The following COA8 variants were observed in gnomAD, a reference collection of about 807,000 sequenced individuals.
COA8 encodes the protein cytochrome c oxidase assembly factor 8.
COA8 carries 20 observed loss-of-function variants against 22.0 expected under a neutral mutation model. The observed-to-expected ratio is 0.91, with a 90% confidence interval of 0.64 to 1.32. COA8 has a LOEUF of 1.32. COA8 is among the 40% of genes most tolerant of loss of function. The pLI is 0.00. For missense variants in COA8, 266 were observed against 230.0 expected (o/e 1.16, Z -1.01); for synonymous variants, 105 against 79.9 (o/e 1.31, Z -1.68).
intron 3 of COA8, among the ~76,000 whole-genome samples, chr14:103,583,744 G>C (rs937079696): frequency 3.9e-5 from 6 of 152,156 alleles, no homozygotes; most frequent in African/African-American, 1.2e-4. Context: ...CCTCCACTGA[G>C]GCAGTCTTTC....
chr14:103,571,845 C>T (rs750287262), intron 2 of COA8, 25 bp downstream of exon 2: 7 of 1,599,896 alleles, frequency 4.4e-6, no homozygotes, highest in African/African-American at 4.0e-5. Context: ...TAGATCAGAA[C>T]GGAAGGGTGC....
chr14:103,580,747 C>T (rs893715752), intron 3 of COA8, among the ~76,000 whole-genome samples: 2 of 151,742 alleles, frequency 1.3e-5, no homozygotes, highest in Non-Finnish European at 2.9e-5. Context: ...CCCACCTCAG[C>T]CTCCCAAAGT....
At chr14:103,585,593 T>C (rs1366270801) in intron 3 of COA8, among the ~76,000 whole-genome samples, 3 of 149,354 alleles carry the variant, frequency 2.0e-5, no homozygotes, top group Middle Eastern at 3.5e-3. Flanking sequence ...TTTTTTTTTT[T>C]TGAAACAGAG....
At chr14:103,587,849 T>A (rs1327121982) in intron 4 of COA8, among the ~76,000 whole-genome samples, 2 of 151,906 alleles carry the variant, frequency 1.3e-5, no homozygotes, top group Non-Finnish European at 2.9e-5. Flanking sequence ...CTTAAAAAGA[T>A]ACCAATTTTT....
chr14:103,570,272 G>C (rs566360830), intron 1 of COA8, among the ~76,000 whole-genome samples: 17 of 152,302 alleles, frequency 1.1e-4, no homozygotes, highest in African/African-American at 4.1e-4. Context: ...TTCTAAAAAG[G>C]ATTCCTAAAT....
At chr14:103,575,963 A>G (rs1403941508) in intron 3 of COA8, among the ~76,000 whole-genome samples, 3 of 151,856 alleles carry the variant, frequency 2.0e-5, no homozygotes, top group Admixed American at 1.3e-4. Flanking sequence ...TCATCCTCCC[A>G]AAGTGCTGGG....
chr14:103,574,282 C>A, intron 3 of COA8, 112 bp downstream of exon 3: 3 of 1,458,868 alleles, frequency 2.1e-6, no homozygotes, highest in Non-Finnish European at 2.9e-6. Context: ...CGGTCCTTGG[C>A]CTGCTTTGGG....
rs1340253051 is a variant in COA8, at chr14:103,587,346, A to C, written c.458A>C (p.Lys153Thr). 6.2e-7 allele frequency: 1 copy of C among 1,612,986 alleles called. No homozygotes were observed. Among genetic ancestry groups the C allele is most frequent in the Non-Finnish European group, 8.5e-7 (1 of 1,179,274 alleles). The change falls in exon 4 of 5, where the codon AAG (lysine) becomes ACG (threonine). Residue 153 changes from lysine (K) to threonine (T), a missense_variant. Lys to Thr is a moderately conservative substitution (Grantham distance 78). Transcript: ENST00000409074. Reference protein sequence around the residue: ...YKEFLSKNFQKHMYYNRDWYK... With the variant: ...YKEFLSKNFQTHMYYNRDWYK... ...GAATTTTTAAGTAAAAATTTTCAGA[A>C]GCACATGTATTATAACAGGTAGGTG... is the stretch of plus-strand genomic sequence containing the variant.
At chr14:103,564,238 A>G (rs1444255936) in intron 1 of COA8, among the ~76,000 whole-genome samples, 4 of 152,136 alleles carry the variant, frequency 2.6e-5, no homozygotes, top group African/African-American at 2.4e-5. Flanking sequence ...GTACACTTTC[A>G]TAATTGTAGC....
intron 3 of COA8, among the ~76,000 whole-genome samples, chr14:103,579,045 G>A (rs939859695): frequency 5.3e-5 from 8 of 152,172 alleles, no homozygotes; most frequent in Non-Finnish European, 8.8e-5. Context: ...ATGAGGTCTC[G>A]CTATGTTGAC....
Position 103,571,770 on chromosome 14 carries a change from CA to C in COA8, c.273del (p.Glu92AsnfsTer12), listed in dbSNP as rs754056282. On this transcript the variant is annotated frameshift_variant, in exon 2 of 5. Coordinates refer to ENST00000409074, the MANE Select transcript of COA8 (RefSeq NM_001370595.2). LOFTEE classifies it high-confidence loss of function. The part of the protein sequence containing the change: ...QKLRKLRQET[Q>X]EWNQQFWANQ... The stretch of plus-strand genomic sequence containing the variant: ...GCTTAGAAAATTAAGACAAGAAACA[CA>C]AGAATGGAATCAACAGTTCTGGGCA... 3 of 1,613,984 alleles carry C rather than the reference CA, an allele frequency of 1.9e-6. No homozygotes were observed. Among genetic ancestry groups the C allele is most frequent in the Non-Finnish European group, 2.5e-6 (3 of 1,180,034 alleles).
intron 4 of COA8, chr14:103,588,080 C>T (rs560574459): frequency 3.4e-5 from 8 of 236,134 alleles, no homozygotes; most frequent in Non-Finnish European, 5.4e-5. Flanking sequence ...CGTGCCATTG[C>T]ACTCCAGTCT....
At chr14:103,589,408 T>C (rs1412211310) in intron 4 of COA8, among the ~76,000 whole-genome samples, 2 of 152,118 alleles carry the variant, frequency 1.3e-5, no homozygotes, top group Non-Finnish European at 2.9e-5. Flanking sequence ...AGAGTGGTCG[T>C]GGCCCATCAC....
intron 1 of COA8, among the ~76,000 whole-genome samples, chr14:103,564,344 T>C (rs955436263): frequency 6.6e-6 from 1 of 152,144 alleles, no homozygotes; most frequent in Non-Finnish European, 1.5e-5. Context: ...TGTGTTACAG[T>C]GACCAAGTCC....
At chr14:103,576,483 T>C (rs140323732) in intron 3 of COA8, among the ~76,000 whole-genome samples, 3 of 152,258 alleles carry the variant, frequency 2.0e-5, no homozygotes, top group African/African-American at 4.8e-5. Context: ...AAAACGTCTG[T>C]GTTAAGACTC....
intron 3 of COA8, among the ~76,000 whole-genome samples, chr14:103,584,412 A>G (rs1323893709): frequency 2.0e-5 from 3 of 152,130 alleles, no homozygotes; most frequent in South Asian, 4.1e-4. Context: ...GAAGCAGTAC[A>G]GGAGCCCACC....
intron 1 of COA8, among the ~76,000 whole-genome samples, chr14:103,568,283 G>T (rs933407205): frequency 1.3e-5 from 2 of 152,316 alleles, no homozygotes; most frequent in Admixed American, 1.3e-4. Context: ...GAGATGCTGG[G>T]GTGGGAGTGC....
At position 103,563,132 on chromosome 14, in the gene COA8, G is replaced by T; in HGVS notation, c.123+8G>T. 1 of 1,538,904 alleles carries T rather than the reference G, an allele frequency of 6.5e-7. No individual in the cohort carries two copies. The highest frequency in any genetic ancestry group is 1.2e-5 in the South Asian group (1 of 84,238). On this transcript the variant is annotated splice_region_variant and intron_variant, in intron 1 of 4. Coordinates refer to ENST00000409074, the MANE Select transcript of COA8 (RefSeq NM_001370595.2). ...GATACGGCGCCCAGCGGGGTAAGCA[G>T]GGGCCTGGGGACATTGGGCCGGGAG...
Position 103,584,749 on chromosome 14 carries a change from G to T in COA8, c.386-2525G>T, listed in dbSNP as rs1223091631. Among the ~76,000 whole-genome samples the T allele has an allele frequency of 3.3e-5, 5 of 152,228 alleles. No individual in the cohort carries two copies. The East Asian group carries it at 9.6e-4, about 29-fold the overall frequency. On this transcript the variant is annotated intron_variant, in intron 3 of 4. Transcript: ENST00000409074. ...TGACGTGGCATGCCTTTGTCTTTCT[G>T]ATTTCCCGTGGTGTTGAGCATCTTG...
Sources: gnomAD v4.1 joint callset for allele counts (sites outside exome capture counted in the v4.1 genomes callset) on GRCh38, gnomAD v4.1.1 for gene constraint, MANE v1.5 for transcripts, NCBI Gene and HGNC (gene_info 2026-07-23, HGNC 2026-07-21) for gene names.